ZMYND11: variants seen among roughly 807,000 people sequenced by gnomAD.
ZMYND11 encodes zinc finger MYND domain-containing protein 11.
A neutral mutation model predicts 84.9 loss-of-function variants in ZMYND11; 9 were observed. The ratio of observed to expected loss-of-function variants is 0.11; its 90% CI spans 0.06 to 0.18. The LOEUF (loss-of-function observed/expected upper bound fraction) is 0.18. ZMYND11 is among the 10% of genes least tolerant of loss of function. The pLI, the probability that ZMYND11 is intolerant of heterozygous loss-of-function variation, is 1.00. For synonymous variants in ZMYND11, 250 were observed against 244.1 expected (o/e 1.02, Z -0.23); for missense variants, 409 against 761.0 (o/e 0.54, Z 5.44).
chr10:172,728 G>A (rs1845647911), intron 1 of ZMYND11, among the ~76,000 whole-genome samples: 1 of 152,056 alleles, frequency 6.6e-6, no homozygotes, highest in Non-Finnish European at 1.5e-5. Flanking sequence ...GTTATTTCAT[G>A]GATATCAACA....
At chr10:239,910 T>C in intron 7 of ZMYND11, 146 bp from the exon 8 acceptor site, 1 of 620,070 alleles carries the variant, frequency 1.6e-6, no homozygotes, top group South Asian at 2.3e-5. Context: ...GCCTGTGTAA[T>C]TTTATTTTGC....
In ZMYND11 at chr10:191,526, T is replaced by C. The variant is rs1288335687; in HGVS notation, c.116+11398T>C. 5.3e-5 allele frequency among the ~76,000 whole-genome samples: 8 copies of C among 152,328 alleles called. No individual in the cohort carries two copies. In the East Asian group the frequency reaches 1.2e-3, roughly 22 times the overall value. ...CGTGTTGGAATTGGGAAGAACCAAG[T>C]GCTTCAGGATGTATTCTGAAAAGTT... On this transcript the variant is annotated intron_variant, in intron 2 of 14. Coordinates refer to ENST00000381604, the MANE Select transcript of ZMYND11 (RefSeq NM_001370100.5).
chr10:241,948 G>A (rs1951043183), intron 9 of ZMYND11, 73 bp from the exon 10 acceptor site: 1 of 1,535,584 alleles, frequency 6.5e-7, no homozygotes, highest in Non-Finnish European at 8.9e-7. Flanking sequence ...TATGTGACTA[G>A]TTTAATATTA....
chr10:132,511 G>A (rs1835335625), upstream of ZMYND11, among the ~76,000 whole-genome samples: 1 of 152,202 alleles, frequency 6.6e-6, no homozygotes, highest in African/African-American at 2.4e-5. Context: ...GGGCTGCCCC[G>A]CAGCAGGAAG....
chr10:163,680 A>G (rs1269221466), intron 1 of ZMYND11, among the ~76,000 whole-genome samples: 5 of 151,776 alleles, frequency 3.3e-5, no homozygotes, highest in South Asian at 2.1e-4. Flanking sequence ...TTCTCCCCCA[A>G]CCTTTACCCT....
chr10:236,860 A>T lies in ZMYND11; in HGVS notation c.461A>T (p.Asn154Ile), dbSNP rs1950079594. 1 of 1,613,470 alleles carries T rather than the reference A, an allele frequency of 6.2e-7. No homozygotes were observed. The highest frequency in any genetic ancestry group is 8.5e-7 in the Non-Finnish European group (1 of 1,179,850). ...TAGAGCATTAAGAAGAAGAATACAA[A>T]CAAACAGGAGATGGGCACATACCTC... ...VCRSIKKKNTNKQEMGTYLRF... is the reference protein window; with the variant it reads ...VCRSIKKKNTIKQEMGTYLRF... The change falls in exon 5 of 15, where the codon AAC (asparagine) becomes ATC (isoleucine). Residue 154 changes from asparagine (N) to isoleucine (I), a missense_variant. Asn to Ile is a moderately radical substitution (Grantham distance 149). Around this residue, in one of 7 missense-constraint regions of ZMYND11, gnomAD observed 53 missense variants for 71.1 expected, o/e 0.75. Transcript: ENST00000381604.
chr10:251,917 A>G (rs1218859322), intron 14 of ZMYND11, among the ~76,000 whole-genome samples: 1 of 152,184 alleles, frequency 6.6e-6, no homozygotes, highest in Non-Finnish European at 1.5e-5. Context: ...TGCTAGCAGC[A>G]TATTAGTGGC....
At chr10:242,199 TTGA>T in intron 10 of ZMYND11, 60 bp downstream of exon 10, 2 of 1,578,846 alleles carry the variant, frequency 1.3e-6, no homozygotes, top group Non-Finnish European at 1.7e-6. Context: ...TTAAGAAAGT[TTGA>T]TGATTTCTCC....
At chr10:188,873 G>A (rs1939518099) in intron 2 of ZMYND11, among the ~76,000 whole-genome samples, 1 of 152,188 alleles carries the variant, frequency 6.6e-6, no homozygotes, top group Admixed American at 6.5e-5. Flanking sequence ...GTTGGCTAGA[G>A]TGTGTGATTG....
Position 239,395 on chromosome 10 carries a change from T to C in ZMYND11, c.610-43T>C, listed in dbSNP as rs564809949. 1.2e-5 allele frequency: 18 copies of C among 1,538,394 alleles called. No individual in the cohort carries two copies. The East Asian group carries it at 4.0e-4, about 35-fold the overall frequency. On this transcript the variant is annotated intron_variant, in intron 6 of 14. Transcript: ENST00000381604. ...TGAACTTAGTCCAGACAAGTATTTTTACTGGTAACTCTTTTCGTCATTCTG... is the reference window on the plus strand; with the variant it reads ...TGAACTTAGTCCAGACAAGTATTTTCACTGGTAACTCTTTTCGTCATTCTG...
intron 1 of ZMYND11, among the ~76,000 whole-genome samples, chr10:176,578 T>C (rs1311705774): frequency 2.6e-5 from 4 of 152,170 alleles, no homozygotes; most frequent in Non-Finnish European, 5.9e-5. Flanking sequence ...GTTATAAAAA[T>C]GAATAAGACG....
At chr10:205,594 G>A (rs149301480) in intron 2 of ZMYND11, among the ~76,000 whole-genome samples, 114 of 152,224 alleles carry the variant, frequency 7.5e-4, no homozygotes, top group Middle Eastern at 3.4e-3. Context: ...GGAGGCTGAG[G>A]TGGGAGGAGC....
At chr10:163,044 C>T (rs909638027) in intron 1 of ZMYND11, among the ~76,000 whole-genome samples, 6 of 152,132 alleles carry the variant, frequency 3.9e-5, no homozygotes, top group Non-Finnish European at 7.4e-5. Context: ...TTAGTAGCTT[C>T]CTGAGAAAAG....
At position 160,227 on chromosome 10, in the gene ZMYND11, A is replaced by G. The variant is rs534009575; in HGVS notation, c.-19-19767A>G. 2.6e-5 allele frequency among the ~76,000 whole-genome samples: 4 copies of G among 152,366 alleles called. No individual in the cohort carries two copies. The East Asian group carries it at 7.7e-4, about 29-fold the overall frequency. On this transcript the variant is annotated intron_variant, in intron 1 of 14. Transcript: ENST00000381604. ...GTTACACAAATTTTTTTGGCTTCCCAATATGGATAAAAGTTATGTTTACAC... is the reference window on the plus strand; with the variant it reads ...GTTACACAAATTTTTTTGGCTTCCCGATATGGATAAAAGTTATGTTTACAC...
At chr10:228,920 GATAA>G (rs1209682495) in intron 4 of ZMYND11, among the ~76,000 whole-genome samples, 3 of 152,186 alleles carry the variant, frequency 2.0e-5, no homozygotes, top group Admixed American at 6.5e-5. Context: ...TCTCTCTGTA[GATAA>G]ATACTATTTT....
chr10:236,722 C>T (rs1950040825), intron 4 of ZMYND11, 116 bp from the exon 5 acceptor site: 2 of 803,684 alleles, frequency 2.5e-6, no homozygotes, highest in Non-Finnish European at 1.9e-6. Flanking sequence ...GGAAAAAGAG[C>T]ACTTTTAGTA....
chr10:230,995 A>G (rs1416819469), intron 4 of ZMYND11, among the ~76,000 whole-genome samples: 1 of 152,206 alleles, frequency 6.6e-6, no homozygotes, highest in Non-Finnish European at 1.5e-5. Context: ...AATGACTTTT[A>G]CGTTTTCAGA....
chr10:186,642 C>CAAAAAAA (rs56345833), intron 2 of ZMYND11, among the ~76,000 whole-genome samples: 29 of 95,146 alleles, frequency 3.0e-4, no homozygotes, highest in African/African-American at 9.2e-4. Context: ...AGGACTCTCT[C>CAAAAAAA]AAAAAAAAAA....
At chr10:203,663 C>T (rs1943634917) in intron 2 of ZMYND11, among the ~76,000 whole-genome samples, 1 of 152,102 alleles carries the variant, frequency 6.6e-6, no homozygotes, top group African/African-American at 2.4e-5. Context: ...CTTGTATGTT[C>T]TGGAGGAATG....
Sources: gnomAD v4.1 joint callset for allele counts (sites outside exome capture counted in the v4.1 genomes callset) on GRCh38, gnomAD v4.1.1 for gene constraint, gnomAD v4.1.1 regional missense constraint, MANE v1.5 for transcripts, NCBI Gene and HGNC (gene_info 2026-07-23, HGNC 2026-07-21) for gene names.